CLSTN2: variants seen among roughly 807,000 people sequenced by gnomAD.
The protein encoded by CLSTN2 is calsyntenin 2.
A neutral mutation model predicts 101.2 loss-of-function variants in CLSTN2; 48 were observed. That is an observed-to-expected ratio of 0.47 (90% CI 0.38 to 0.60). CLSTN2 has a LOEUF of 0.60. Ranked by LOEUF, CLSTN2 falls within the 20% of genes least tolerant of loss-of-function variation. The pLI, the probability that CLSTN2 is intolerant of heterozygous loss-of-function variation, is 0.00. For missense variants in CLSTN2, 1,160 were observed against 1,238.2 expected (o/e 0.94, Z 0.95); for synonymous variants, 481 against 463.6 (o/e 1.04, Z -0.48).
intron 10 of CLSTN2, among the ~76,000 whole-genome samples, chr3:140,554,946 T>A (rs908555881): frequency 5.3e-5 from 8 of 152,248 alleles, no homozygotes; most frequent in African/African-American, 2.4e-5. Flanking sequence ...ACTGATTATA[T>A]ATTTATAAGA....
At chr3:140,110,999 T>A (rs1326453177) in intron 1 of CLSTN2, among the ~76,000 whole-genome samples, 2 of 152,198 alleles carry the variant, frequency 1.3e-5, no homozygotes, top group African/African-American at 4.8e-5. Flanking sequence ...AGAAGGATCC[T>A]GGGCTCTTCA....
At chr3:139,990,361 A>G (rs1936095512) in intron 1 of CLSTN2, among the ~76,000 whole-genome samples, 1 of 152,152 alleles carries the variant, frequency 6.6e-6, no homozygotes, top group South Asian at 2.1e-4. Flanking sequence ...TGTTGAGAAA[A>G]TGAAAAGCAG....
chr3:140,039,796 T>C (rs554386674), intron 1 of CLSTN2, among the ~76,000 whole-genome samples: 1 of 152,112 alleles, frequency 6.6e-6, no homozygotes, highest in East Asian at 1.9e-4. Context: ...CATATGTGTA[T>C]AAATAGACAT....
At chr3:140,038,044 T>G (rs1346559895) in intron 1 of CLSTN2, among the ~76,000 whole-genome samples, 3 of 152,190 alleles carry the variant, frequency 2.0e-5, no homozygotes, top group Non-Finnish European at 4.4e-5. Context: ...TGATTTATAT[T>G]CCTTTGGGTA....
At chr3:140,104,187 G>A (rs1032710376) in intron 1 of CLSTN2, among the ~76,000 whole-genome samples, 1 of 152,196 alleles carries the variant, frequency 6.6e-6, no homozygotes, top group African/African-American at 2.4e-5. Context: ...TAAAGATTGA[G>A]TTGCACCCTT....
At chr3:139,936,004 C>T (rs1935013173) in intron 1 of CLSTN2, among the ~76,000 whole-genome samples, 1 of 152,130 alleles carries the variant, frequency 6.6e-6, no homozygotes, top group Non-Finnish European at 1.5e-5. Flanking sequence ...TCTGACTCCC[C>T]GGGGAACGTG....
chr3:140,421,150 G>A lies in CLSTN2; in HGVS notation c.663G>A (p.Leu221=), dbSNP rs770584569. 2.5e-6 allele frequency: 4 copies of A among 1,614,126 alleles called. No homozygotes were observed. Among genetic ancestry groups the A allele is most frequent in the Admixed American group, 1.7e-5 (1 of 60,024 alleles). Residue 221 remains leucine (L), a synonymous_variant, in exon 5 of 17, where the codon CTG becomes CTA. Coordinates refer to ENST00000458420, the MANE Select transcript of CLSTN2 (RefSeq NM_022131.3). ...GCAACATCAGGAACACTGAGAAGCT[G>A]AGCTATGACAAACAACACCAGTATG... ...RNGNIRNTEK[L]SYDKQHQYEI...
chr3:140,030,890 G>A (rs761221949), intron 1 of CLSTN2, among the ~76,000 whole-genome samples: 5 of 152,222 alleles, frequency 3.3e-5, no homozygotes, highest in South Asian at 2.1e-4. Flanking sequence ...GAGAAATTGT[G>A]TAATGACTCT....
intron 1 of CLSTN2, among the ~76,000 whole-genome samples, chr3:140,131,197 A>G (rs1216451026): frequency 1.3e-5 from 2 of 151,908 alleles, no homozygotes; most frequent in Non-Finnish European, 2.9e-5. Flanking sequence ...TTGGCAGCAA[A>G]CCCATTTTAT....
intron 1 of CLSTN2, among the ~76,000 whole-genome samples, chr3:140,137,350 C>CA: frequency 1.0e-5 from 1 of 99,966 alleles, no homozygotes; most frequent in East Asian, 3.5e-4. Flanking sequence ...AAGTTCTTGC[C>CA]AACCCGCATC....
rs1464465446 is a variant in CLSTN2 at position 140,562,991 on chromosome 3, G to C, written c.2358+35G>C. 5 of 1,612,910 alleles carry C rather than the reference G, an allele frequency of 3.1e-6. No individual in the cohort carries two copies. In the South Asian group the frequency reaches 3.3e-5, roughly 11 times the overall value. Reference sequence around the variant, plus strand: ...TCCTGCCATTGTTAGGGAAGCCAAGGCTCACCCATTCCCTCATTCATTCAG... The same window carrying C: ...TCCTGCCATTGTTAGGGAAGCCAAGCCTCACCCATTCCCTCATTCATTCAG... On this transcript the variant is annotated intron_variant, in intron 14 of 16. Coordinates refer to ENST00000458420, the MANE Select transcript of CLSTN2 (RefSeq NM_022131.3).
chr3:140,412,117 G>A (rs1052368731), intron 4 of CLSTN2, among the ~76,000 whole-genome samples: 2 of 152,214 alleles, frequency 1.3e-5, no homozygotes, highest in Admixed American at 1.3e-4. Context: ...CCGGGTTCAA[G>A]TGATTCACCT....
At chr3:139,961,383 G>A (rs1193208908) in intron 1 of CLSTN2, among the ~76,000 whole-genome samples, 2 of 152,128 alleles carry the variant, frequency 1.3e-5, no homozygotes, top group East Asian at 3.8e-4. Flanking sequence ...AGGTATTGTG[G>A]CAAGGTGGGA....
intron 2 of CLSTN2, among the ~76,000 whole-genome samples, chr3:140,181,577 G>T (rs1313695118): frequency 3.3e-5 from 5 of 152,098 alleles, no homozygotes; most frequent in Admixed American, 3.3e-4. Context: ...CTTGAAAATT[G>T]TTCAGGATTC....
chr3:140,048,157 T>A (rs2007917981), intron 1 of CLSTN2, among the ~76,000 whole-genome samples: 2 of 152,214 alleles, frequency 1.3e-5, no homozygotes, highest in Admixed American at 6.5e-5. Flanking sequence ...ATTATTTAAA[T>A]GGAAGCTGAT....
chr3:139,938,523 C>T (rs1935068727), intron 1 of CLSTN2, among the ~76,000 whole-genome samples: 1 of 152,204 alleles, frequency 6.6e-6, no homozygotes, highest in African/African-American at 2.4e-5. Context: ...CTTCCCTTCA[C>T]CCTTACATAT....
At position 140,289,200 on chromosome 3, in the gene CLSTN2, A is replaced by C. The variant is rs1459563318; in HGVS notation, c.232+113127A>C. 3.3e-5 allele frequency among the ~76,000 whole-genome samples: 5 copies of C among 152,312 alleles called. No individual in the cohort carries two copies. In the East Asian group the frequency reaches 9.6e-4, roughly 29 times the overall value. ...ATTCTATGAGATAAGCTGTGTTATTACACCTATTATATAGAGGAAACTGAG... is the reference window on the plus strand; with the variant it reads ...ATTCTATGAGATAAGCTGTGTTATTCCACCTATTATATAGAGGAAACTGAG... On this transcript the variant is annotated intron_variant, in intron 2 of 16. Coordinates refer to ENST00000458420, the MANE Select transcript of CLSTN2 (RefSeq NM_022131.3).
Position 140,077,149 on chromosome 3 carries a change from C to T in CLSTN2, c.110-98802C>T, listed in dbSNP as rs142508660. Among the ~76,000 whole-genome samples the T allele has an allele frequency of 2.0e-5, 3 of 152,302 alleles. No individual in the cohort carries two copies. The East Asian group carries it at 5.8e-4, about 29-fold the overall frequency. ...GAAACAAACAAGCAAAAAAAGCATT[C>T]TGATCATCTGCAGGTTATGCCTAAG... On this transcript the variant is annotated intron_variant, in intron 1 of 16. Coordinates refer to ENST00000458420, the MANE Select transcript of CLSTN2 (RefSeq NM_022131.3).
intron 2 of CLSTN2, among the ~76,000 whole-genome samples, chr3:140,269,654 C>T (rs1383320371): frequency 6.6e-6 from 1 of 152,180 alleles, no homozygotes; most frequent in Non-Finnish European, 1.5e-5. Context: ...GTGTGCATAG[C>T]CCCACTTCTT....
Sources: allele counts gnomAD v4.1 joint callset (sites outside exome capture counted in the v4.1 genomes callset), GRCh38; gene constraint gnomAD v4.1.1; transcripts MANE v1.5; gene names NCBI Gene and HGNC (gene_info 2026-07-23, HGNC 2026-07-21).